Variants in PLAU observed in about 807,000 individuals in gnomAD.
PLAU encodes plasminogen activator, urokinase.
In PLAU, 32 loss-of-function variants were observed where a neutral mutation model predicts 48.9. That is an observed-to-expected ratio of 0.65 (90% confidence interval 0.49 to 0.88). The LOEUF (loss-of-function observed/expected upper bound fraction) is 0.88, where lower values mean the gene tolerates loss of function less well. Ranked by LOEUF, PLAU falls within the 40% of genes least tolerant of loss-of-function variation. The pLI, the probability that PLAU is intolerant of heterozygous loss-of-function variation, is 0.00. For missense variants in PLAU, 455 were observed against 545.2 expected (o/e 0.83, Z 1.65); for synonymous variants, 199 against 205.7 (o/e 0.97, Z 0.28).
Position 73,912,856 on chromosome 10 carries a change from A to T in PLAU, c.194-68A>T, listed in dbSNP as rs1239778498. On this transcript the variant is annotated intron_variant, in intron 4 of 10. Coordinates refer to ENST00000372764, the MANE Select transcript of PLAU (RefSeq NM_002658.6). ...CAGAGCAAGACTCCATCTCAAAAAA[A>T]AAAAATAAAAGTTAGTTGGAATGTT... 11 of 1,383,736 alleles carry T rather than the reference A, an allele frequency of 7.9e-6. No homozygotes were observed. The East Asian group carries it at 2.3e-4, about 29-fold the overall frequency. 85.7% of individuals were successfully genotyped at this position (1,383,736 alleles called of 1,614,324 possible). A position where few individuals can be genotyped will look rare whatever the true frequency, so the allele number is the denominator to read the frequency against.
At chr10:73,912,117 G>T in intron 3 of PLAU, 49 bp downstream of exon 3, 1 of 1,605,392 alleles carries the variant, frequency 6.2e-7, no homozygotes. Context: ...AGTTGGGAAG[G>T]CTTCAGGGGA....
chr10:73,912,990 T>C lies in PLAU; in HGVS notation c.260T>C (p.Met87Thr), dbSNP rs768435349. Reference sequence around the variant, plus strand: ...CGAGGAAAGGCCAGCACTGACACCATGGGCCGGCCCTGCCTGCCCTGGAAC... The same window carrying C: ...CGAGGAAAGGCCAGCACTGACACCACGGGCCGGCCCTGCCTGCCCTGGAAC... ...FYRGKASTDT[M>T]GRPCLPWNSA... is the part of the protein sequence containing the mutation. Residue 87 changes from methionine (M) to threonine (T), a missense_variant, in exon 5 of 11, where the codon ATG becomes ACG. Transcript: ENST00000372764. 45 of 1,613,848 alleles carry C rather than the reference T, an allele frequency of 2.8e-5. No individual in the cohort carries two copies. The African/African-American group carries it at 5.7e-4, about 21-fold the overall frequency.
At chr10:73,911,698 G>A (rs1344927432) in intron 2 of PLAU, 86 bp downstream of exon 2, 1 of 1,579,258 alleles carries the variant, frequency 6.3e-7, no homozygotes, top group Non-Finnish European at 8.6e-7. Context: ...GGGAGCTGGG[G>A]TCCTCCGGAT....
rs781354430 is a variant in PLAU at position 73,913,423 on chromosome 10, G to A, written c.460+42G>A. Reference sequence around the variant, plus strand: ...TGCTGATGACAGTGGGGTGGAAGGGGACAAACTTACATGTCCCCTTATTCC... The same window carrying A: ...TGCTGATGACAGTGGGGTGGAAGGGAACAAACTTACATGTCCCCTTATTCC... On this transcript the variant is annotated intron_variant, in intron 6 of 10. Coordinates refer to ENST00000372764, the MANE Select transcript of PLAU (RefSeq NM_002658.6). 9 of 1,590,622 alleles carry A rather than the reference G, an allele frequency of 5.7e-6. No individual in the cohort carries two copies. In the South Asian group the frequency reaches 6.6e-5, roughly 12 times the overall value.
chr10:73,911,333 C>A, intron 1 of PLAU, 115 bp downstream of exon 1: 6 of 641,740 alleles, frequency 9.3e-6, no homozygotes, highest in Non-Finnish European at 1.6e-5. Flanking sequence ...GGCGGCTGCA[C>A]GGAGTCAAGG....
Position 73,912,889 on chromosome 10 carries a change from TTC to T in PLAU, c.194-32_194-31del, listed in dbSNP as rs56295603. 296 of 1,514,166 alleles carry T rather than the reference TTC, an allele frequency of 2.0e-4. 1 individual carries two copies. Among genetic ancestry groups the T allele is most frequent in the Non-Finnish European group, 2.5e-4 (279 of 1,114,730 alleles). 93.8% of individuals were successfully genotyped at this position (1,514,166 alleles called of 1,614,324 possible). On this transcript the variant is annotated intron_variant, in intron 4 of 10. Transcript: ENST00000372764. ...AAAGTTAGTTGGAATGTTCTTCTCT[TTC>T]TCATATTCTCTCATCCTCCTGTCCC... is the stretch of plus-strand genomic sequence containing the variant.
At position 73,914,836 on chromosome 10, in the gene PLAU, C is replaced by G; in HGVS notation, c.890C>G (p.Thr297Ser). The G allele has an allele frequency of 6.2e-7, 1 of 1,614,124 alleles. No individual in the cohort carries two copies. The change falls in exon 9 of 11, where the codon ACC (threonine) becomes AGC (serine). Residue 297 changes from threonine (T) to serine (S), a missense_variant. By Grantham distance (58) the Thr-to-Ser change is moderately conservative (BLOSUM62 1). Transcript: ENST00000372764. ...RCAQPSRTIQTICLPSMYNDP... is the reference protein window; with the variant it reads ...RCAQPSRTIQSICLPSMYNDP... ...GCGCAGCCATCCCGGACTATACAGA[C>G]CATCTGCCTGCCCTCGATGTATAAC...
rs1306141036 is a variant in PLAU at position 73,916,972 on chromosome 10, T to A, written c.*407T>A. The A allele has an allele frequency of 5.8e-6, 1 of 173,348 alleles. No individual in the cohort carries two copies. Among genetic ancestry groups the A allele is most frequent in the Admixed American group, 5.5e-5 (1 of 18,098 alleles). 10.7% of individuals were successfully genotyped at this position (173,348 alleles called of 1,614,324 possible). A position where few individuals can be genotyped will look rare whatever the true frequency, so the allele number is the denominator to read the frequency against. The stretch of plus-strand genomic sequence containing the variant: ...CAATTAGGAAGTGTAACAGCTGAGG[T>A]CTCTTGAGGGAGCTTAGCCAATGTG... On this transcript the variant is annotated 3_prime_UTR_variant, in exon 11 of 11. Transcript: ENST00000372764.
At position 73,914,932 on chromosome 10, in the gene PLAU, G is replaced by C. The variant is rs200225644; in HGVS notation, c.970+16G>C. On this transcript the variant is annotated intron_variant, in intron 9 of 10. Coordinates refer to ENST00000372764, the MANE Select transcript of PLAU (RefSeq NM_002658.6). ...GAGAATTCTAGTAAGTGACAATTGC[G>C]ACTGACTTAGAAGGTCCTGAGGAGT... 6.2e-7 allele frequency: 1 copy of C among 1,612,908 alleles called. No homozygotes were observed. Among genetic ancestry groups the C allele is most frequent in the Non-Finnish European group, 8.5e-7 (1 of 1,179,186 alleles).
intron 8 of PLAU, 82 bp downstream of exon 8, chr10:73,914,210 A>C (rs1394666074): frequency 6.8e-7 from 1 of 1,476,372 alleles, no homozygotes; most frequent in Non-Finnish European, 9.4e-7. Context: ...CTGAGGTTGA[A>C]GCTGCCCGGT....
intron 2 of PLAU, 46 bp downstream of exon 2, chr10:73,911,658 T>A (rs1247182320): frequency 7.5e-6 from 12 of 1,609,640 alleles, no homozygotes. Flanking sequence ...GGACCTCTGA[T>A]CAGCACCAGG....
chr10:73,913,799 C>G, intron 7 of PLAU, 41 bp downstream of exon 7: 1 of 1,488,884 alleles, frequency 6.7e-7, no homozygotes, highest in Non-Finnish European at 9.2e-7. Flanking sequence ...TTCTGCCCCA[C>G]CCCAAGCACA....
At chr10:73,913,853 T>G (rs1379084642) in intron 7 of PLAU, 95 bp downstream of exon 7, 2 of 1,371,986 alleles carry the variant, frequency 1.5e-6, no homozygotes, top group Non-Finnish European at 2.0e-6. Flanking sequence ...CATTTCTCCC[T>G]CATCTGCCCC....
At chr10:73,913,209 T>C in intron 5 of PLAU, 81 bp from the exon 6 acceptor site, 3 of 1,568,308 alleles carry the variant, frequency 1.9e-6, no homozygotes, top group Non-Finnish European at 2.6e-6. Flanking sequence ...GTGCGGCCTC[T>C]GGTTGAGTCT....
At position 73,911,353 on chromosome 10, in the gene PLAU, C is replaced by T. The variant is rs1006959928; in HGVS notation, c.-32+135C>T. On this transcript the variant is annotated intron_variant, in intron 1 of 10. Transcript: ENST00000372764. ...CTGCACGGAGTCAAGGCGCCCCGTCCCGGGCGTCCCCCGCGGGTGCCGATC... is the reference window on the plus strand; with the variant it reads ...CTGCACGGAGTCAAGGCGCCCCGTCTCGGGCGTCCCCCGCGGGTGCCGATC... 4 of 720,508 alleles carry T rather than the reference C, an allele frequency of 5.6e-6. No homozygotes were observed. In the Admixed American group the frequency reaches 9.3e-5, roughly 17 times the overall value. The allele number at this position is 720,508 out of a possible 1,614,324, so 44.6% of individuals were successfully genotyped here. A position where few individuals can be genotyped will look rare whatever the true frequency, so the allele number is the denominator to read the frequency against.
In PLAU at chr10:73,917,452, G is replaced by A. The variant is rs2096139484; in HGVS notation, c.*887G>A. On this transcript the variant is annotated 3_prime_UTR_variant, in exon 11 of 11. Coordinates refer to ENST00000372764, the MANE Select transcript of PLAU (RefSeq NM_002658.6). Reference sequence around the variant, plus strand: ...TTTCACTATTTTTATTTATATTTTTGTAATTTTAAATAAAAGTGATCAATA... The same window carrying A: ...TTTCACTATTTTTATTTATATTTTTATAATTTTAAATAAAAGTGATCAATA... 6.6e-6 allele frequency: 1 copy of A among 152,524 alleles called. No individual in the cohort carries two copies. The highest frequency in any genetic ancestry group is 2.4e-5 in the African/African-American group (1 of 41,388). 9.4% of individuals were successfully genotyped at this position (152,524 alleles called of 1,614,324 possible).
chr10:73,912,341 CA>C lies in PLAU; in HGVS notation c.193+21del. The stretch of plus-strand genomic sequence containing the variant: ...GAAATAGGTATGGGGATCTCCACTG[CA>C]ACTGGGAGAGAAATTTGGGGACAGG... On this transcript the variant is annotated intron_variant, in intron 4 of 10. Transcript: ENST00000372764. The C allele has an allele frequency of 4.0e-6, 3 of 757,004 alleles. No individual in the cohort carries two copies. Among genetic ancestry groups the C allele is most frequent in the Non-Finnish European group, 6.3e-6 (3 of 474,452 alleles). The allele number at this position is 757,004 out of a possible 1,614,324, so 46.9% of individuals were successfully genotyped here. A position where few individuals can be genotyped will look rare whatever the true frequency, so the allele number is the denominator to read the frequency against.
chr10:73,909,456 G>A (rs2096120382), upstream of PLAU, among the ~76,000 whole-genome samples: 2 of 152,226 alleles, frequency 1.3e-5, no homozygotes, highest in African/African-American at 4.8e-5. Flanking sequence ...TCCCCTGGAA[G>A]GCTGGCAGCT....
intron 10 of PLAU, among the ~76,000 whole-genome samples, 189 bp from the exon 11 acceptor site, chr10:73,916,200 G>A (rs139072795): frequency 2.6e-5 from 4 of 152,300 alleles, no homozygotes; most frequent in East Asian, 3.9e-4. Context: ...CTGAGATCAC[G>A]TCATTGCACG....
Sources: allele counts gnomAD v4.1 joint callset (sites outside exome capture counted in the v4.1 genomes callset), GRCh38; gene constraint gnomAD v4.1.1; transcripts MANE v1.5; gene names NCBI Gene and HGNC (gene_info 2026-07-23, HGNC 2026-07-21).